Variants in MTHFD1L observed in about 807,000 individuals in gnomAD.
The protein encoded by MTHFD1L is monofunctional C1-tetrahydrofolate synthase, mitochondrial.
Under a neutral mutation model 119.5 loss-of-function variants are expected in MTHFD1L, and 81 were observed. That is an observed-to-expected ratio of 0.68 (90% CI 0.57 to 0.82). MTHFD1L has a LOEUF of 0.82. Among genes scored for constraint, MTHFD1L ranks in the 40% least tolerant of loss-of-function variants. The probability of loss-of-function intolerance (pLI) is 0.00; values close to 1 mark genes in which losing one functional copy is unlikely to be tolerated. For missense variants in MTHFD1L, 1,125 were observed against 1,253.4 expected (o/e 0.90, Z 1.55); for synonymous variants, 430 against 475.2 (o/e 0.90, Z 1.24).
At chr6:150,918,064 CTT>C (rs397887884) in intron 8 of MTHFD1L, among the ~76,000 whole-genome samples, 69 of 121,938 alleles carry the variant, frequency 5.7e-4, no homozygotes, top group African/African-American at 2.0e-3. Flanking sequence ...CTTAGATGGC[CTT>C]TTTTTTTTTT....
chr6:150,867,992 G>A (rs1423957825), intron 1 of MTHFD1L, among the ~76,000 whole-genome samples: 2 of 151,840 alleles, frequency 1.3e-5, no homozygotes, highest in African/African-American at 4.8e-5. Context: ...AAGACAGGAT[G>A]TCTCACCATG....
chr6:150,966,159 A>G (rs1797184942), intron 19 of MTHFD1L, among the ~76,000 whole-genome samples: 1 of 152,176 alleles, frequency 6.6e-6, no homozygotes, highest in African/African-American at 2.4e-5. Context: ...GCATTGCCGT[A>G]AGGAACTACC....
At chr6:150,989,465 A>G (rs1265536620) in intron 20 of MTHFD1L, among the ~76,000 whole-genome samples, 1 of 152,236 alleles carries the variant, frequency 6.6e-6, no homozygotes, top group Non-Finnish European at 1.5e-5. Flanking sequence ...GAAGAGACAC[A>G]TTTTATTATT....
At chr6:150,999,002 A>AAG (rs2046492426) in intron 20 of MTHFD1L, among the ~76,000 whole-genome samples, 2 of 150,470 alleles carry the variant, frequency 1.3e-5, no homozygotes, top group African/African-American at 4.9e-5. Context: ...AAAAATATAT[A>AAG]TACATATATA....
intron 20 of MTHFD1L, among the ~76,000 whole-genome samples, chr6:150,982,228 T>TA (rs879460946): frequency 1.0e-3 from 149 of 146,176 alleles, no homozygotes; most frequent in Non-Finnish European, 1.5e-3. Flanking sequence ...ATTTAACATG[T>TA]AAAAAAAAAA....
intron 27 of MTHFD1L, among the ~76,000 whole-genome samples, chr6:151,094,363 T>C (rs948373512): frequency 5.3e-5 from 8 of 150,856 alleles, no homozygotes; most frequent in Non-Finnish European, 7.4e-5. Flanking sequence ...TGAGGACTTG[T>C]TGTTGTTGTT....
chr6:151,034,829 A>G (rs1785913427), intron 25 of MTHFD1L, among the ~76,000 whole-genome samples: 1 of 152,158 alleles, frequency 6.6e-6, no homozygotes, highest in Non-Finnish European at 1.5e-5. Context: ...GTGACTATAA[A>G]TGTGTCTGAT....
intron 11 of MTHFD1L, among the ~76,000 whole-genome samples, chr6:150,936,475 A>G (rs1439643745): frequency 6.6e-6 from 1 of 152,158 alleles, no homozygotes; most frequent in African/African-American, 2.4e-5. Context: ...ACTGCTATAT[A>G]CTCATCAGCA....
chr6:151,021,286 G>T (rs906838746), intron 24 of MTHFD1L, among the ~76,000 whole-genome samples: 2 of 152,104 alleles, frequency 1.3e-5, no homozygotes, highest in South Asian at 4.2e-4. Flanking sequence ...GGTGGCTCTC[G>T]CCTGTAATCC....
intron 26 of MTHFD1L, among the ~76,000 whole-genome samples, chr6:151,089,637 G>A (rs540002688): frequency 3.9e-5 from 6 of 152,290 alleles, no homozygotes; most frequent in Non-Finnish European, 5.9e-5. Context: ...ATAAGATGCC[G>A]GCAAATGCCA....
intron 8 of MTHFD1L, among the ~76,000 whole-genome samples, chr6:150,911,603 G>T (rs111713196): frequency 1.3e-4 from 20 of 152,090 alleles, no homozygotes; most frequent in African/African-American, 4.8e-4. Flanking sequence ...GAAGGGGAAG[G>T]GGAATCACAT....
intron 16 of MTHFD1L, among the ~76,000 whole-genome samples, chr6:150,951,026 C>G (rs1174215748): frequency 7.0e-6 from 1 of 143,346 alleles, no homozygotes; most frequent in Non-Finnish European, 1.5e-5. Flanking sequence ...TCCTTGGAAA[C>G]TTTATGGTTT....
intron 7 of MTHFD1L, among the ~76,000 whole-genome samples, chr6:150,891,221 G>C (rs1783212000): frequency 6.6e-6 from 1 of 152,002 alleles, no homozygotes; most frequent in African/African-American, 2.4e-5. Context: ...CCTGACCTCA[G>C]GTGATCCGCC....
intron 26 of MTHFD1L, among the ~76,000 whole-genome samples, chr6:151,085,785 T>A (rs990933907): frequency 2.0e-5 from 3 of 151,184 alleles, no homozygotes; most frequent in Non-Finnish European, 4.4e-5. Context: ...AAAAAAACAA[T>A]GACTTTGACC....
At chr6:151,040,459 C>T (rs1459929442) in intron 26 of MTHFD1L, among the ~76,000 whole-genome samples, 1 of 152,156 alleles carries the variant, frequency 6.6e-6, no homozygotes, top group Non-Finnish European at 1.5e-5. Context: ...ACTTACAATC[C>T]GAGCACTTTT....
chr6:150,957,258 A>T (rs768152649), intron 17 of MTHFD1L, among the ~76,000 whole-genome samples: 4 of 152,230 alleles, frequency 2.6e-5, no homozygotes, highest in Non-Finnish European at 5.9e-5. Context: ...CAATTTATGG[A>T]TACAGAACTA....
rs149449398 is a variant in MTHFD1L at position 150,871,495 on chromosome 6, CTTTTTTTT to C, written c.228-4578_228-4571del. The stretch of plus-strand genomic sequence containing the variant: ...AGTACTTGATATCAACTACTGTAAT[CTTTTTTTT>C]TTTTTTTTTTTTTTTTGAGATGGAA... On this transcript the variant is annotated intron_variant, in intron 1 of 27. Transcript: ENST00000367321. Among the ~76,000 whole-genome samples, 225 of 102,146 alleles carry C rather than the reference CTTTTTTTT, an allele frequency of 2.2e-3. 1 individual carries two copies. Among genetic ancestry groups the C allele is most frequent in the African/African-American group, 8.0e-3 (215 of 27,020 alleles). 67.0% of individuals were successfully genotyped at this position (102,146 alleles called of 152,430 possible). A position where few individuals can be genotyped will look rare whatever the true frequency, so the allele number is the denominator to read the frequency against.
chr6:151,031,031 TA>T (rs1043975215), intron 24 of MTHFD1L, among the ~76,000 whole-genome samples: 1 of 152,094 alleles, frequency 6.6e-6, no homozygotes, highest in Non-Finnish European at 1.5e-5. Flanking sequence ...AAATAAATTT[TA>T]AAAAAAGTTA....
intron 26 of MTHFD1L, among the ~76,000 whole-genome samples, chr6:151,060,049 C>A (rs561839527): frequency 5.3e-5 from 8 of 152,176 alleles, no homozygotes; most frequent in African/African-American, 1.7e-4. Flanking sequence ...TTGTGGGAAG[C>A]AACCCTGCCA....
Sources: allele counts gnomAD v4.1 joint callset (sites outside exome capture counted in the v4.1 genomes callset), GRCh38; gene constraint gnomAD v4.1.1; transcripts MANE v1.5; gene names NCBI Gene and HGNC (gene_info 2026-07-23, HGNC 2026-07-21).